The following INPP4B variants were observed in gnomAD, a reference collection of about 807,000 sequenced individuals.
INPP4B encodes inositol polyphosphate 4-phosphatase type II.
A neutral mutation model predicts 122.5 loss-of-function variants in INPP4B; 55 were observed. The observed-to-expected ratio is 0.45, with a 90% CI of 0.36 to 0.56. INPP4B has a LOEUF of 0.56. Ranked by LOEUF, INPP4B falls within the 20% of genes least tolerant of loss-of-function variation. INPP4B has a pLI of 0.00. For synonymous variants in INPP4B, 403 were observed against 388.7 expected, an observed-to-expected ratio of 1.04 and a Z score of -0.43; for missense variants, 1,000 against 1,097.7, an observed-to-expected ratio of 0.91 and a Z score of 1.26.
At chr4:142,578,804 A>G (rs1734397977) in intron 2 of INPP4B, among the ~76,000 whole-genome samples, 1 of 152,042 alleles carries the variant, frequency 6.6e-6, no homozygotes, top group Non-Finnish European at 1.5e-5. Context: ...GAATGAGCTT[A>G]CAATTGGACC....
chr4:142,081,271 T>G (rs1446096234), intron 25 of INPP4B, among the ~76,000 whole-genome samples: 1 of 152,166 alleles, frequency 6.6e-6, no homozygotes, highest in African/African-American at 2.4e-5. Context: ...CTAGTGTGCT[T>G]CTGAGCTAGG....
chr4:142,806,278 C>CAA (rs1175185594), intron 1 of INPP4B, among the ~76,000 whole-genome samples: 3,158 of 53,466 alleles, frequency 0.059, 419 homozygotes, highest in Middle Eastern at 0.1. Context: ...GACTCCGTCT[C>CAA]AAAAAAAAAA....
At chr4:142,762,036 C>T (rs1191116232) in intron 1 of INPP4B, among the ~76,000 whole-genome samples, 3 of 152,084 alleles carry the variant, frequency 2.0e-5, no homozygotes, top group Non-Finnish European at 1.5e-5. Flanking sequence ...AACTTGAGGC[C>T]ATGGCTTGGA....
intron 2 of INPP4B, among the ~76,000 whole-genome samples, chr4:142,699,558 A>C (rs1761454038): frequency 6.6e-6 from 1 of 152,170 alleles, no homozygotes; most frequent in South Asian, 2.1e-4. Flanking sequence ...GCGTTGCTTT[A>C]TATCCATGAT....
intron 7 of INPP4B, among the ~76,000 whole-genome samples, chr4:142,316,592 T>C (rs537342432): frequency 6.6e-6 from 1 of 152,288 alleles, no homozygotes; most frequent in East Asian, 1.9e-4. Context: ...ATACATTAAT[T>C]TTTTAAAAAA....
chr4:142,317,349 T>C, intron 7 of INPP4B: 1 of 355,730 alleles, frequency 2.8e-6, no homozygotes. Flanking sequence ...AAATGACTGA[T>C]GGCTTCAAGG....
At chr4:142,187,287 T>C (rs892997733) in intron 15 of INPP4B, among the ~76,000 whole-genome samples, 1 of 152,022 alleles carries the variant, frequency 6.6e-6, no homozygotes, top group Non-Finnish European at 1.5e-5. Context: ...GAAAATTTTG[T>C]GACAGAGAAT....
intron 24 of INPP4B, among the ~76,000 whole-genome samples, chr4:142,083,977 C>T (rs1306841540): frequency 6.6e-6 from 1 of 152,218 alleles, no homozygotes; most frequent in East Asian, 1.9e-4. Context: ...GGTAAGGGCA[C>T]TTCCATCAGA....
At chr4:142,074,717 A>G (rs190404673) in intron 25 of INPP4B, among the ~76,000 whole-genome samples, 55 of 152,244 alleles carry the variant, frequency 3.6e-4, no homozygotes, top group Admixed American at 1.8e-3. Context: ...GAAGATAACT[A>G]GATCTAAAAT....
At chr4:142,760,871 A>G (rs57908294) in intron 1 of INPP4B, among the ~76,000 whole-genome samples, 13,163 of 152,124 alleles carry the variant, frequency 0.087, 698 homozygotes, top group African/African-American at 0.14. Context: ...CATTCTTTAC[A>G]TTTTAGATGA....
At chr4:142,839,508 C>T (rs561717354) in intron 1 of INPP4B, among the ~76,000 whole-genome samples, 1 of 152,222 alleles carries the variant, frequency 6.6e-6, no homozygotes, top group East Asian at 1.9e-4. Flanking sequence ...AGTTCAAGTA[C>T]TTAATTTACC....
chr4:142,782,087 T>G (rs1378845668), intron 1 of INPP4B, among the ~76,000 whole-genome samples: 1 of 151,980 alleles, frequency 6.6e-6, no homozygotes, highest in Non-Finnish European at 1.5e-5. Flanking sequence ...ACCCATTAAC[T>G]CATCATTTAG....
At chr4:142,392,681 T>C (rs6851331) in intron 7 of INPP4B, among the ~76,000 whole-genome samples, 31,850 of 152,176 alleles carry the variant, frequency 0.21, 4,588 homozygotes, top group African/African-American at 0.41. Flanking sequence ...ATAGGCTCTA[T>C]AGCAGATTCT....
chr4:142,367,188 ATGTGTGTGTGTGTGTG>A (rs5862590), intron 7 of INPP4B, among the ~76,000 whole-genome samples: 2 of 132,728 alleles, frequency 1.5e-5, no homozygotes, highest in Non-Finnish European at 3.2e-5. Context: ...TACATGTAAT[ATGTGTGTGTGTGTGTG>A]TGTGTGTGTG....
intron 2 of INPP4B, among the ~76,000 whole-genome samples, chr4:142,516,945 C>T (rs955082056): frequency 1.6e-4 from 24 of 151,906 alleles, no homozygotes; most frequent in Non-Finnish European, 2.8e-4. Context: ...CATTGCACCA[C>T]GGTCTATTAT....
In INPP4B at chr4:142,222,679, G is replaced by A. The variant is rs78582285; in HGVS notation, c.837-13653C>T. 8.9e-3 allele frequency among the ~76,000 whole-genome samples: 1,359 copies of A among 152,308 alleles called. 14 individuals are homozygous for A. Among genetic ancestry groups the A allele is most frequent in the African/African-American group, 0.029 (1,206 of 41,568 alleles). Reference sequence around the variant, plus strand: ...GCAGCTCCTAACTAATCTGAAGCCTGAGTATTATTCCGAAATCAGTGTCTC... The same window carrying A: ...GCAGCTCCTAACTAATCTGAAGCCTAAGTATTATTCCGAAATCAGTGTCTC... On this transcript the variant is annotated intron_variant, in intron 12 of 25. Transcript: ENST00000262992.
intron 2 of INPP4B, among the ~76,000 whole-genome samples, chr4:142,544,127 TGTG>T (rs760976932): frequency 0.31 from 3,882 of 12,594 alleles, 161 homozygotes; most frequent in Non-Finnish European, 0.46. Flanking sequence ...ATGGTGTGTG[TGTG>T]GTGTGTGTGT....
In INPP4B at chr4:142,087,130, C is replaced by T. The variant is rs190018272; in HGVS notation, c.2375-874G>A. Among the ~76,000 whole-genome samples, 112 of 152,294 alleles carry T rather than the reference C, an allele frequency of 7.4e-4. 1 individual carries two copies. In the East Asian group the frequency reaches 0.018, roughly 24 times the overall value. On this transcript the variant is annotated intron_variant, in intron 23 of 25. Coordinates refer to ENST00000262992, the MANE Select transcript of INPP4B (RefSeq NM_001101669.3). ...TGTTTCACAGCATCCCTGGCCTCTACCATTCGCATGCCAGTAGCAGCTTTC... is the reference window on the plus strand; with the variant it reads ...TGTTTCACAGCATCCCTGGCCTCTATCATTCGCATGCCAGTAGCAGCTTTC...
intron 3 of INPP4B, among the ~76,000 whole-genome samples, chr4:142,454,961 A>G (rs73850886): frequency 0.041 from 6,300 of 152,120 alleles, 279 homozygotes; most frequent in African/African-American, 0.096. Context: ...TGGAGAAGTT[A>G]ACCTTAATAC....
Sources: allele counts gnomAD v4.1 joint callset (sites outside exome capture counted in the v4.1 genomes callset), GRCh38; gene constraint gnomAD v4.1.1; transcripts MANE v1.5; gene names NCBI Gene and HGNC (gene_info 2026-07-23, HGNC 2026-07-21).